Variants in MCC observed in about 807,000 individuals in gnomAD.
MCC encodes the protein MCC regulator of Wnt signaling pathway.
A neutral mutation model predicts 116.2 loss-of-function variants in MCC; 90 were observed. The ratio of observed to expected loss-of-function variants is 0.77; its 90% CI spans 0.65 to 0.92. The LOEUF (loss-of-function observed/expected upper bound fraction) is 0.92. Ranked by LOEUF, MCC falls within the 40% of genes least tolerant of loss-of-function variation. The pLI, the probability that MCC is intolerant of heterozygous loss-of-function variation, is 0.00. For synonymous variants in MCC, 578 were observed against 510.5 expected, an observed-to-expected ratio of 1.13 and a Z score of -1.78; for missense variants, 1,516 against 1,312.2, an observed-to-expected ratio of 1.16 and a Z score of -2.40.
At chr5:113,161,287 A>C (rs1760467667) in intron 3 of MCC, among the ~76,000 whole-genome samples, 1 of 152,212 alleles carries the variant, frequency 6.6e-6, no homozygotes, top group African/African-American at 2.4e-5. Context: ...CCAGCTAATC[A>C]GGGGACATGA....
intron 5 of MCC, among the ~76,000 whole-genome samples, chr5:113,130,441 C>T (rs963839781): frequency 7.2e-5 from 11 of 152,024 alleles, no homozygotes; most frequent in Non-Finnish European, 1.3e-4. Context: ...CAAACCTGCA[C>T]GTTCTGCAGA....
chr5:113,191,357 C>T (rs1762142334), intron 3 of MCC, among the ~76,000 whole-genome samples: 1 of 152,190 alleles, frequency 6.6e-6, no homozygotes, highest in African/African-American at 2.4e-5. Context: ...GGTCCCCTCA[C>T]TTTTTAACAT....
chr5:113,132,378 ATATAC>A (rs1401656372), intron 5 of MCC, among the ~76,000 whole-genome samples: 2 of 128,758 alleles, frequency 1.6e-5, no homozygotes, highest in Non-Finnish European at 3.4e-5. Context: ...GTGTGTATAT[ATATAC>A]ATACATATAT....
intron 1 of MCC, among the ~76,000 whole-genome samples, chr5:113,464,392 G>C (rs1771838684): frequency 6.6e-6 from 1 of 152,096 alleles, no homozygotes; most frequent in Non-Finnish European, 1.5e-5. Flanking sequence ...CATGGCTTTT[G>C]CCTTTGCTGT....
chr5:113,156,418 G>C (rs1039182915), intron 3 of MCC, among the ~76,000 whole-genome samples: 3 of 152,210 alleles, frequency 2.0e-5, no homozygotes, highest in Admixed American at 6.5e-5. Flanking sequence ...AAACGGGTTT[G>C]TTTGAAGTCA....
chr5:113,419,876 TG>T lies in MCC; in HGVS notation c.171-34665del, dbSNP rs1343379308. Among the ~76,000 whole-genome samples, 13 of 38,546 alleles carry T rather than the reference TG, an allele frequency of 3.4e-4. No individual in the cohort carries two copies. In the South Asian group the frequency reaches 0.013, roughly 39 times the overall value. The allele number at this position is 38,546 out of a possible 152,430, so 25.3% of individuals were successfully genotyped here. On this transcript the variant is annotated intron_variant, in intron 1 of 18. Coordinates refer to ENST00000408903, the MANE Select transcript of MCC (RefSeq NM_001085377.2). ...TCACACACCGGGGACTGTTGTGGGG[TG>T]GGGGGAGGGGGGAGGGATAGCATTA... is the stretch of plus-strand genomic sequence containing the variant.
intron 11 of MCC, among the ~76,000 whole-genome samples, chr5:113,074,677 G>A (rs977877889): frequency 6.6e-6 from 1 of 152,216 alleles, no homozygotes; most frequent in African/African-American, 2.4e-5. Flanking sequence ...AATAAACAGT[G>A]TAGACAAGTC....
At chr5:113,124,151 AT>A (rs1396698425) in intron 5 of MCC, among the ~76,000 whole-genome samples, 1 of 152,266 alleles carries the variant, frequency 6.6e-6, no homozygotes, top group African/African-American at 2.4e-5. Flanking sequence ...ATAAAGCCCC[AT>A]GACATGGAAA....
intron 3 of MCC, among the ~76,000 whole-genome samples, chr5:113,274,270 T>C (rs1278143400): frequency 6.6e-6 from 1 of 152,228 alleles, no homozygotes. Flanking sequence ...TGATGTGTTT[T>C]AGCAAACCAA....
chr5:113,410,758 C>T (rs188964472), intron 1 of MCC, among the ~76,000 whole-genome samples: 22 of 152,326 alleles, frequency 1.4e-4, no homozygotes, highest in East Asian at 5.8e-4. Context: ...CCTCCCCCAA[C>T]GCTCCACCCT....
intron 11 of MCC, among the ~76,000 whole-genome samples, chr5:113,081,237 G>A (rs1581013372): frequency 6.6e-6 from 1 of 152,186 alleles, no homozygotes; most frequent in East Asian, 1.9e-4. Context: ...AGATGACAAT[G>A]GAGGTGAGGT....
At chr5:113,132,864 T>C (rs1758546893) in intron 5 of MCC, among the ~76,000 whole-genome samples, 1 of 152,158 alleles carries the variant, frequency 6.6e-6, no homozygotes, top group African/African-American at 2.4e-5. Flanking sequence ...TCTTTGCTTG[T>C]TGGCTCAGTG....
At chr5:113,158,949 G>A (rs1478522714) in intron 3 of MCC, among the ~76,000 whole-genome samples, 1 of 152,138 alleles carries the variant, frequency 6.6e-6, no homozygotes, top group Admixed American at 6.5e-5. Flanking sequence ...GTGGAGGGGT[G>A]GATGTGGGGC....
chr5:113,472,953 A>G (rs1226754063), intron 1 of MCC, among the ~76,000 whole-genome samples: 1 of 152,232 alleles, frequency 6.6e-6, no homozygotes, highest in Non-Finnish European at 1.5e-5. Context: ...TTGCTTTAGC[A>G]TCTAATCAAC....
chr5:113,276,000 A>AC (rs35925138), intron 3 of MCC, among the ~76,000 whole-genome samples: 4,036 of 148,586 alleles, frequency 0.027, 195 homozygotes, highest in African/African-American at 0.095. Flanking sequence ...AAGCAGGCCA[A>AC]CCCCAACTCC....
chr5:113,276,705 G>T (rs902444358), intron 3 of MCC, among the ~76,000 whole-genome samples: 1 of 152,044 alleles, frequency 6.6e-6, no homozygotes, highest in East Asian at 1.9e-4. Flanking sequence ...CGGCTCACTG[G>T]GGCCTCGACT....
chr5:113,082,892 T>G lies in MCC; in HGVS notation c.1752A>C (p.Arg584Ser). 3.7e-6 allele frequency: 6 copies of G among 1,614,196 alleles called. No individual in the cohort carries two copies. Among genetic ancestry groups the G allele is most frequent in the Non-Finnish European group, 5.1e-6 (6 of 1,180,032 alleles). ...HGSAISESKIREFEVETERLN... is the reference protein window; with the variant it reads ...HGSAISESKISEFEVETERLN... The stretch of plus-strand genomic sequence containing the variant: ...GCCGTTCTGTTTCCACCTCAAACTC[T>G]CTAATCTTGCTTTCTGAGATGGCAG... The change falls in exon 11 of 19, where the codon AGA (arginine) becomes AGC (serine). Residue 584 changes from arginine (R) to serine (S), a missense_variant. Physicochemically the swap from Arg to Ser is moderately radical, Grantham distance 110. Coordinates refer to ENST00000408903, the MANE Select transcript of MCC (RefSeq NM_001085377.2).
At chr5:113,157,285 G>A (rs1314938173) in intron 3 of MCC, among the ~76,000 whole-genome samples, 4 of 152,152 alleles carry the variant, frequency 2.6e-5, no homozygotes, top group Admixed American at 2.6e-4. Flanking sequence ...GTGGCCTAAG[G>A]GCAAGCTATG....
chr5:113,029,618 C>T (rs145470921), intron 17 of MCC, among the ~76,000 whole-genome samples: 133 of 152,258 alleles, frequency 8.7e-4, no homozygotes, highest in African/African-American at 3.1e-3. Flanking sequence ...CTTTTGACTA[C>T]GTGCCCTCCA....
Sources: allele counts gnomAD v4.1 joint callset (sites outside exome capture counted in the v4.1 genomes callset), GRCh38; gene constraint gnomAD v4.1.1; transcripts MANE v1.5; gene names NCBI Gene and HGNC (gene_info 2026-07-23, HGNC 2026-07-21).